The following TICRR variants were observed in gnomAD, a reference collection of about 807,000 sequenced individuals.
TICRR encodes the protein TOPBP1 interacting checkpoint and replication regulator.
Under a neutral mutation model 178.1 loss-of-function variants are expected in TICRR, and 132 were observed. The observed-to-expected ratio is 0.74, with a 90% CI of 0.64 to 0.86. The LOEUF is 0.86. TICRR is among the 40% of genes least tolerant of loss of function. The pLI, the probability that TICRR is intolerant of heterozygous loss-of-function variation, is 0.00. For missense variants in TICRR, 2,587 were observed against 2,334.3 expected (o/e 1.11, Z -2.23); for synonymous variants, 991 against 900.7 (o/e 1.10, Z -1.79).
chr15:89,619,221 C>CTTTTTTTTTTTTTT (rs386383750), intron 17 of TICRR, among the ~76,000 whole-genome samples: 1 of 112,006 alleles, frequency 8.9e-6, no homozygotes, highest in Non-Finnish European at 1.7e-5. Context: ...CACCATTCTT[C>CTTTTTTTTTTTTTT]TTTTTTTTTT....
In TICRR at chr15:89,584,207, T is replaced by A. The variant is rs1962778731; in HGVS notation, c.935-79T>A. The A allele has an allele frequency of 9.7e-6, 13 of 1,339,240 alleles. No individual in the cohort carries two copies. In the South Asian group the frequency reaches 2.0e-4, roughly 21 times the overall value. 83.0% of individuals were successfully genotyped at this position (1,339,240 alleles called of 1,614,324 possible). ...ATTGTTATTAAATCTCTTTTTAGTA[T>A]CTATTCCTTATATTGGAATTTTAAT... On this transcript the variant is annotated intron_variant, in intron 2 of 21. Transcript: ENST00000268138.
At position 89,599,349 on chromosome 15, in the gene TICRR, A is replaced by T. The variant is rs1415339333; in HGVS notation, c.1926A>T (p.Leu642=). The T allele has an allele frequency of 6.2e-7, 1 of 1,610,120 alleles. No individual in the cohort carries two copies. The highest frequency in any genetic ancestry group is 1.1e-5 in the South Asian group (1 of 90,376). ...PKDFKTEEEL[L]SYIRENYQKT... ...ATTTTAAAACTGAGGAAGAGCTGCT[A>T]TCATATATACGTGAAAATTACCAAA... The change falls in exon 8 of 22, where the codon CTA becomes CTT. Residue 642 remains leucine (L), a synonymous_variant. Coordinates refer to ENST00000268138, the MANE Select transcript of TICRR (RefSeq NM_152259.4).
chr15:89,619,290 C>T lies in TICRR; in HGVS notation c.3020-418C>T, dbSNP rs1238521991. On this transcript the variant is annotated intron_variant, in intron 17 of 21. Coordinates refer to ENST00000268138, the MANE Select transcript of TICRR (RefSeq NM_152259.4). ...GCCCAGGCTGGAGTGCACTGGCATG[C>T]TCTCCGCTCACTGCAACCTCCACCT... Among the ~76,000 whole-genome samples the T allele has an allele frequency of 4.2e-5, 6 of 141,326 alleles. No individual in the cohort carries two copies. The Admixed American group carries it at 4.4e-4, about 10-fold the overall frequency. 92.7% of individuals were successfully genotyped at this position (141,326 alleles called of 152,430 possible). A position where few individuals can be genotyped will look rare whatever the true frequency, so the allele number is the denominator to read the frequency against.
rs1215048026 is a variant in TICRR at position 89,595,515 on chromosome 15, G to C, written c.1804G>C (p.Val602Leu). 4 of 1,614,208 alleles carry C rather than the reference G, an allele frequency of 2.5e-6. No homozygotes were observed. The highest frequency in any genetic ancestry group is 8.5e-7 in the Non-Finnish European group (1 of 1,180,048). The stretch of plus-strand genomic sequence containing the variant: ...GTTACATCCAGATGGCAGTCCGGAT[G>C]TGGCTGGGGAGAAAGGAATCCAAAA... ...QKLHPDGSPDVAGEKGIQKIP... is the reference protein window; with the variant it reads ...QKLHPDGSPDLAGEKGIQKIP... Residue 602 changes from valine to leucine, a missense_variant, in exon 7 of 22, where the codon GTG becomes CTG. Physicochemically the swap from Val to Leu is conservative, Grantham distance 32 (BLOSUM62 1). Transcript: ENST00000268138.
chr15:89,598,473 C>T (rs1963037561), intron 7 of TICRR, among the ~76,000 whole-genome samples: 1 of 152,020 alleles, frequency 6.6e-6, no homozygotes, highest in African/African-American at 2.4e-5. Context: ...AGTGATTCTC[C>T]TGTCTCAGCC....
intron 15 of TICRR, among the ~76,000 whole-genome samples, chr15:89,615,301 T>C (rs1963317696): frequency 6.6e-6 from 1 of 152,186 alleles, no homozygotes; most frequent in South Asian, 2.1e-4. Context: ...GACAGGTTAA[T>C]GGATGACAGT....
At chr15:89,580,061 A>G (rs1379291442) in intron 1 of TICRR, 1 of 152,150 alleles carries the variant, frequency 6.6e-6, no homozygotes, top group African/African-American at 2.4e-5. Context: ...CTTTTCACCT[A>G]CGCTGGAGTG....
intron 13 of TICRR, among the ~76,000 whole-genome samples, chr15:89,604,384 C>CT (rs751768779): frequency 2.0e-5 from 3 of 152,168 alleles, no homozygotes; most frequent in Non-Finnish European, 4.4e-5. Flanking sequence ...GTTGCCAGGC[C>CT]TTTATTCTCA....
At position 89,627,168 on chromosome 15, in the gene TICRR, G is replaced by T. The variant is rs1353667380; in HGVS notation, c.*82G>T. ...AAAGAAGTTGGATGCCTGGTCCCAA[G>T]CCTCTTTTGCCATGGTCAGTGTTCA... On this transcript the variant is annotated 3_prime_UTR_variant, in exon 22 of 22. Transcript: ENST00000268138. 24 of 1,549,656 alleles carry T rather than the reference G, an allele frequency of 1.5e-5. No homozygotes were observed. Among genetic ancestry groups the T allele is most frequent in the Non-Finnish European group, 2.0e-5 (23 of 1,132,954 alleles).
chr15:89,615,837 A>C (rs1282842092), intron 15 of TICRR, among the ~76,000 whole-genome samples: 1 of 152,112 alleles, frequency 6.6e-6, no homozygotes, highest in Non-Finnish European at 1.5e-5. Context: ...ACAAGTGAGC[A>C]ATTTTCATTT....
intron 1 of TICRR, among the ~76,000 whole-genome samples, chr15:89,577,409 T>C (rs1962642816): frequency 6.6e-6 from 1 of 152,084 alleles, no homozygotes; most frequent in African/African-American, 2.4e-5. Context: ...AAATGTTCAT[T>C]GAGAAGCCAG....
intron 1 of TICRR, 92 bp downstream of exon 1, chr15:89,576,332 C>T: frequency 8.4e-7 from 1 of 1,186,074 alleles, no homozygotes; most frequent in Non-Finnish European, 1.1e-6. Context: ...CCACAGACCC[C>T]GAATGAGACT....
chr15:89,624,550 C>G lies in TICRR; in HGVS notation c.4240C>G (p.Pro1414Ala), dbSNP rs1241604332. 2.5e-6 allele frequency: 4 copies of G among 1,613,746 alleles called. No individual in the cohort carries two copies. The highest frequency in any genetic ancestry group is 2.5e-6 in the Non-Finnish European group (3 of 1,179,848). ...TCCTGGGGTTGGCACAGCTGACAGC[C>G]CAGCTGCCCCCACAGACTCTAGAGA... ...ATPGVGTADS[P>A]AAPTDSRDDQ... Residue 1414 changes from proline (P) to alanine (A), a missense_variant, in exon 20 of 22, where the codon CCA (proline) becomes GCA (alanine). By Grantham distance (27) the Pro-to-Ala change is conservative. Coordinates refer to ENST00000268138, the MANE Select transcript of TICRR (RefSeq NM_152259.4).
chr15:89,616,635 C>T (rs1032197674), intron 16 of TICRR, 140 bp downstream of exon 16: 4 of 642,464 alleles, frequency 6.2e-6, no homozygotes, highest in Non-Finnish European at 1.1e-5. Context: ...ATTCTATAAG[C>T]TCTCCATGGG....
chr15:89,606,407 G>C (rs1963176333), intron 13 of TICRR, among the ~76,000 whole-genome samples: 1 of 152,190 alleles, frequency 6.6e-6, no homozygotes, highest in Non-Finnish European at 1.5e-5. Context: ...TTTCCTTTGA[G>C]TGTTGTGTTG....
At chr15:89,576,607 G>A (rs1293124137) in intron 1 of TICRR, among the ~76,000 whole-genome samples, 1 of 152,012 alleles carries the variant, frequency 6.6e-6, no homozygotes, top group African/African-American at 2.4e-5. Context: ...TTCCAGGCCA[G>A]TCTTAACTTC....
Position 89,625,775 on chromosome 15 carries a change from T to A in TICRR, c.5465T>A (p.Val1822Glu), listed in dbSNP as rs1004906309. Residue 1822 changes from valine to glutamate, a missense_variant, in exon 20 of 22, where the codon GTG becomes GAG. Coordinates refer to ENST00000268138, the MANE Select transcript of TICRR (RefSeq NM_152259.4). The stretch of plus-strand genomic sequence containing the variant: ...CTACCCTCCACGGGAGACGAAGAGG[T>A]GTTTGTTTCCGGTGAGTTCGTTTTT... Reference protein sequence around the residue: ...WQLPSTGDEEVFVSGSTPPPS... With the variant: ...WQLPSTGDEEEFVSGSTPPPS... 3.1e-6 allele frequency: 5 copies of A among 1,601,272 alleles called. No individual in the cohort carries two copies. Among genetic ancestry groups the A allele is most frequent in the Non-Finnish European group, 3.4e-6 (4 of 1,172,474 alleles).
In TICRR at chr15:89,602,062, G is replaced by A. The variant is rs1039304482; in HGVS notation, c.2567+86G>A. 1.4e-4 allele frequency: 217 copies of A among 1,517,650 alleles called. 4 individuals are homozygous for A. The South Asian group carries it at 2.2e-3, about 15-fold the overall frequency. The allele number at this position is 1,517,650 out of a possible 1,614,324, so 94.0% of individuals were successfully genotyped here. ...TTTAAACTACAGTCCAGTCATCTTT[G>A]TCCATATAATTTGTTGAACTAATAG... is the stretch of plus-strand genomic sequence containing the variant. On this transcript the variant is annotated intron_variant, in intron 12 of 21. Transcript: ENST00000268138.
At chr15:89,602,765 A>G (rs950415204) in intron 12 of TICRR, 31 bp from the exon 13 acceptor site, 1 of 1,111,912 alleles carries the variant, frequency 9.0e-7, no homozygotes. Context: ...ACCTCTATCT[A>G]GTATGTATTA....
Sources: gnomAD v4.1 joint callset for allele counts (sites outside exome capture counted in the v4.1 genomes callset) on GRCh38, gnomAD v4.1.1 for gene constraint, MANE v1.5 for transcripts, NCBI Gene and HGNC (gene_info 2026-07-23, HGNC 2026-07-21) for gene names.